Variants in ABCA13 observed in about 807,000 individuals in gnomAD.
The protein encoded by ABCA13 is ATP-binding cassette sub-family A member 13.
Under a neutral mutation model 478.7 loss-of-function variants are expected in ABCA13, and 476 were observed. That is an observed-to-expected ratio of 0.99 (90% confidence interval 0.92 to 1.07). The LOEUF is 1.07. ABCA13 is among the 50% of genes least tolerant of loss of function. The pLI is 0.00. For missense variants in ABCA13, 6,060 were observed against 5,910.6 expected, an observed-to-expected ratio of 1.03 and a Z score of -0.83; for synonymous variants, 2,252 against 2,158.9, an observed-to-expected ratio of 1.04 and a Z score of -1.20.
rs1389272828 is a variant in ABCA13 at position 48,412,400 on chromosome 7, A to T, written c.12276A>T (p.Thr4092=). The T allele has an allele frequency of 6.2e-7, 1 of 1,613,476 alleles. No homozygotes were observed. The highest frequency in any genetic ancestry group is 8.5e-7 in the Non-Finnish European group (1 of 1,179,774). ...ATCTGAAAGACATGGCTTGTGTTAC[A>T]TCCCTGATAAAGATCTATATTCCAC... ...AHDLKDMACV[T]SLIKIYIPQA... Residue 4092 remains threonine (T), a synonymous_variant, in exon 41 of 62, where the codon ACA becomes ACT. Coordinates refer to ENST00000435803, the MANE Select transcript of ABCA13 (RefSeq NM_152701.5).
In ABCA13 at chr7:48,240,944, G is replaced by A. The variant is rs746899336; in HGVS notation, c.1140G>A (p.Arg380=). 5.6e-6 allele frequency: 9 copies of A among 1,613,486 alleles called. No homozygotes were observed. The South Asian group carries it at 8.8e-5, about 16-fold the overall frequency. ...TGGGCCATAGTCTGGAGGCTCTCAG[G>A]AATCAGTTTGAAGAAGAGAGCAAGC... ...TGMGHSLEAL[R]NQFEEESKPW... The change falls in exon 10 of 62, where the codon AGG becomes AGA. Residue 380 remains arginine, a synonymous_variant. Coordinates refer to ENST00000435803, the MANE Select transcript of ABCA13 (RefSeq NM_152701.5).
chr7:48,435,254 T>A (rs1822680447), intron 42 of ABCA13, among the ~76,000 whole-genome samples: 1 of 151,894 alleles, frequency 6.6e-6, no homozygotes, highest in African/African-American at 2.4e-5. Flanking sequence ...TATTTTATTC[T>A]CTTTTATGTT....
chr7:48,412,943 C>G (rs1287906101), intron 41 of ABCA13, among the ~76,000 whole-genome samples: 1 of 151,558 alleles, frequency 6.6e-6, no homozygotes, highest in South Asian at 2.1e-4. Context: ...TCCTGAGTAG[C>G]TGGGAATACA....
chr7:48,222,894 A>G (rs1787579262), intron 5 of ABCA13, among the ~76,000 whole-genome samples: 6 of 152,258 alleles, frequency 3.9e-5, no homozygotes, highest in Admixed American at 3.9e-4. Flanking sequence ...GACCGACGGT[A>G]GCCAGAGCGG....
At chr7:48,351,301 T>G (rs1480115871) in intron 30 of ABCA13, among the ~76,000 whole-genome samples, 3 of 152,268 alleles carry the variant, frequency 2.0e-5, no homozygotes. Flanking sequence ...GGTGCTCTCA[T>G]ATTCTTTTGG....
chr7:48,389,250 T>C (rs1297411374), intron 37 of ABCA13, 30 bp downstream of exon 37: 1 of 1,577,854 alleles, frequency 6.3e-7, no homozygotes, highest in Non-Finnish European at 8.6e-7. Context: ...TATCAAACAC[T>C]GGGCATTTGA....
intron 39 of ABCA13, among the ~76,000 whole-genome samples, chr7:48,409,962 C>T (rs1391780374): frequency 6.6e-6 from 1 of 150,482 alleles, no homozygotes; most frequent in Admixed American, 6.6e-5. Context: ...GACATGGTGG[C>T]ATGCGCCTGT....
At chr7:48,630,370 T>C (rs1794065331) in intron 59 of ABCA13, among the ~76,000 whole-genome samples, 1 of 152,198 alleles carries the variant, frequency 6.6e-6, no homozygotes, top group African/African-American at 2.4e-5. Context: ...TTTTCATGCA[T>C]ACTCGTTGTT....
intron 28 of ABCA13, 134 bp downstream of exon 28, chr7:48,335,669 C>T (rs1282990389): frequency 3.7e-6 from 2 of 540,072 alleles, no homozygotes; most frequent in Non-Finnish European, 3.1e-6. Context: ...ATATAATTGA[C>T]ATAAAACTAG....
chr7:48,248,911 T>G (rs568023170), intron 14 of ABCA13, among the ~76,000 whole-genome samples: 1 of 152,338 alleles, frequency 6.6e-6, no homozygotes, highest in Non-Finnish European at 1.5e-5. Context: ...TATATTTTCT[T>G]AATATTTAAG....
At chr7:48,515,690 G>A (rs1832052225) in intron 51 of ABCA13, among the ~76,000 whole-genome samples, 1 of 152,058 alleles carries the variant, frequency 6.6e-6, no homozygotes, top group Admixed American at 6.5e-5. Flanking sequence ...GGCTTGCTGG[G>A]GACTAAAGGA....
chr7:48,441,947 A>T (rs1403015995), intron 42 of ABCA13, among the ~76,000 whole-genome samples: 2 of 152,220 alleles, frequency 1.3e-5, no homozygotes, highest in African/African-American at 4.8e-5. Flanking sequence ...CTACAAAAGA[A>T]CTGTGTGCTA....
At chr7:48,437,887 C>T (rs1031366408) in intron 42 of ABCA13, among the ~76,000 whole-genome samples, 8 of 152,050 alleles carry the variant, frequency 5.3e-5, no homozygotes, top group Non-Finnish European at 1.0e-4. Flanking sequence ...TCTGATGTTC[C>T]TTGGCCACTT....
chr7:48,628,259 G>A (rs1200439206), intron 59 of ABCA13, among the ~76,000 whole-genome samples: 2 of 152,150 alleles, frequency 1.3e-5, no homozygotes, highest in African/African-American at 4.8e-5. Flanking sequence ...ATAGGAATAA[G>A]ACTGTTTTCC....
chr7:48,402,241 C>T (rs1185530539), intron 38 of ABCA13, among the ~76,000 whole-genome samples: 3 of 152,170 alleles, frequency 2.0e-5, no homozygotes, highest in African/African-American at 4.8e-5. Context: ...AGAAAGGTAA[C>T]CAGAACATGC....
chr7:48,276,790 C>T (rs996511627), intron 17 of ABCA13, among the ~76,000 whole-genome samples: 13 of 151,966 alleles, frequency 8.6e-5, no homozygotes, highest in South Asian at 4.1e-4. Context: ...TAATTAATCA[C>T]GTATTATTCT....
At chr7:48,436,175 G>A (rs1822805549) in intron 42 of ABCA13, among the ~76,000 whole-genome samples, 1 of 151,228 alleles carries the variant, frequency 6.6e-6, no homozygotes, top group Admixed American at 6.6e-5. Flanking sequence ...TTTTTGGTGG[G>A]AATATTTTAA....
At chr7:48,290,993 G>A (rs1205839064) in intron 20 of ABCA13, among the ~76,000 whole-genome samples, 2 of 147,970 alleles carry the variant, frequency 1.4e-5, no homozygotes, top group Non-Finnish European at 3.0e-5. Flanking sequence ...AAAGCAGAGT[G>A]TGAAAGTCCA....
intron 42 of ABCA13, among the ~76,000 whole-genome samples, chr7:48,436,449 T>G (rs10480939): frequency 0.3 from 44,909 of 151,392 alleles, 6,680 homozygotes; most frequent in East Asian, 0.37. Context: ...CTATTCCGTT[T>G]ATCTTTTTTA....
Sources: gnomAD v4.1 joint callset for allele counts (sites outside exome capture counted in the v4.1 genomes callset) on GRCh38, gnomAD v4.1.1 for gene constraint, MANE v1.5 for transcripts, NCBI Gene and HGNC (gene_info 2026-07-23, HGNC 2026-07-21) for gene names.